Variants in WAPL observed in about 807,000 individuals in gnomAD.
WAPL encodes WAPL cohesin release factor.
WAPL carries 5 observed loss-of-function variants against 121.0 expected under a neutral mutation model. That is an observed-to-expected ratio of 0.04 (90% CI 0.02 to 0.09). The LOEUF is 0.09. WAPL is among the 10% of genes least tolerant of loss of function. WAPL has a pLI of 1.00. For missense variants in WAPL, 999 were observed against 1,410.8 expected (o/e 0.71, Z 4.68); for synonymous variants, 480 against 481.5 (o/e 1.00, Z 0.04).
intron 8 of WAPL, among the ~76,000 whole-genome samples, chr10:86,468,428 G>A (rs755498459): frequency 3.3e-5 from 5 of 151,660 alleles, no homozygotes; most frequent in Admixed American, 6.6e-5. Flanking sequence ...GAACACCTGA[G>A]GCCAAATGAT....
chr10:86,517,703 C>A lies in WAPL; in HGVS notation c.367G>T (p.Val123Phe). ...LEANSKISHV[V>F]VEDTVVSDKC... ...TCAGAAACGACAGTGTCTTCAACGA[C>A]CACATGACTAATTTTGCTATTAGCT... Residue 123 changes from valine (V) to phenylalanine (F), a missense_variant, in exon 2 of 19, where the codon GTC (valine) becomes TTC (phenylalanine). Coordinates refer to ENST00000298767, the MANE Select transcript of WAPL (RefSeq NM_015045.5). 6.2e-7 allele frequency: 1 copy of A among 1,614,138 alleles called. No individual in the cohort carries two copies. The highest frequency in any genetic ancestry group is 8.5e-7 in the Non-Finnish European group (1 of 1,180,026).
chr10:86,441,564 T>G, intron 17 of WAPL, among the ~76,000 whole-genome samples: 1 of 137,722 alleles, frequency 7.3e-6, no homozygotes, highest in Admixed American at 7.5e-5. Context: ...TTCCAGCCAA[T>G]GCACCTATGA....
intron 9 of WAPL, among the ~76,000 whole-genome samples, chr10:86,463,280 G>C (rs7907418): frequency 0.03 from 4,518 of 152,342 alleles, 251 homozygotes; most frequent in African/African-American, 0.1. Context: ...GACAGAGCCA[G>C]AGAGTTTCAA....
chr10:86,509,144 T>C (rs1376430238), intron 2 of WAPL, among the ~76,000 whole-genome samples: 1 of 152,242 alleles, frequency 6.6e-6, no homozygotes, highest in African/African-American at 2.4e-5. Flanking sequence ...ATTTATATAC[T>C]GAATTTCGAA....
intron 4 of WAPL, among the ~76,000 whole-genome samples, chr10:86,478,501 A>G (rs866620697): frequency 6.6e-6 from 1 of 152,198 alleles, no homozygotes; most frequent in South Asian, 2.1e-4. Flanking sequence ...AAATAAGCAA[A>G]AAGTTCATAA....
intron 4 of WAPL, among the ~76,000 whole-genome samples, chr10:86,477,866 G>A (rs983687421): frequency 2.6e-5 from 4 of 151,888 alleles, no homozygotes; most frequent in Admixed American, 6.6e-5. Context: ...GATCACTTGA[G>A]GTCAGGAGTT....
At chr10:86,437,723 C>A in intron 18 of WAPL, 115 bp from the exon 19 acceptor site, 3 of 1,160,610 alleles carry the variant, frequency 2.6e-6, no homozygotes, top group Non-Finnish European at 3.6e-6. Context: ...AATCAAAGTA[C>A]ACCGAGATTA....
At chr10:86,455,695 AAGAAAGAAAG>A (rs1239322529) in intron 12 of WAPL, among the ~76,000 whole-genome samples, 22 of 129,566 alleles carry the variant, frequency 1.7e-4, no homozygotes, top group African/African-American at 2.6e-4. Context: ...AAAAAAAAAA[AAGAAAGAAAG>A]AAAAAAAAAG....
intron 2 of WAPL, among the ~76,000 whole-genome samples, chr10:86,511,515 A>T (rs1328292504): frequency 2.0e-5 from 3 of 152,240 alleles, no homozygotes; most frequent in Non-Finnish European, 4.4e-5. Flanking sequence ...TGTTTCCCAG[A>T]TCTTCCACTT....
chr10:86,461,041 C>A lies in WAPL; in HGVS notation c.2482+135G>T. ...CTCTTCTTTAAATGTTAGAAATTTG[C>A]AGGATGCAACTAAAAAATAATAATG... On this transcript the variant is annotated intron_variant, in intron 10 of 18. Coordinates refer to ENST00000298767, the MANE Select transcript of WAPL (RefSeq NM_015045.5). 5.5e-6 allele frequency: 4 copies of A among 728,080 alleles called. No homozygotes were observed. In the South Asian group the frequency reaches 9.0e-5, roughly 16 times the overall value. 45.1% of individuals were successfully genotyped at this position (728,080 alleles called of 1,614,324 possible).
At position 86,453,748 on chromosome 10, in the gene WAPL, G is replaced by A. The variant is rs1841061419; in HGVS notation, c.2741C>T (p.Pro914Leu). 6.2e-7 allele frequency: 1 copy of A among 1,614,044 alleles called. No individual in the cohort carries two copies. Among genetic ancestry groups the A allele is most frequent in the Admixed American group, 1.7e-5 (1 of 59,998 alleles). Residue 914 changes from proline to leucine, a missense_variant, in exon 13 of 19, where the codon CCT becomes CTT. Coordinates refer to ENST00000298767, the MANE Select transcript of WAPL (RefSeq NM_015045.5). ...TACATGGTTAGTTACATTCTGGTGA[G>A]GCAGAGGCTTACTGTCAGCTAAGCA... ...SICLADSKPL[P>L]HQNVTNHVGK... is the part of the protein sequence containing the mutation.
chr10:86,477,502 G>T (rs1200510773), intron 4 of WAPL, among the ~76,000 whole-genome samples: 2 of 152,056 alleles, frequency 1.3e-5, no homozygotes, highest in Non-Finnish European at 2.9e-5. Flanking sequence ...TTTTATTCTT[G>T]TTTGAAAAGC....
chr10:86,472,590 A>T lies in WAPL; in HGVS notation c.1893+22T>A, dbSNP rs747138558. The T allele has an allele frequency of 6.2e-7, 1 of 1,606,284 alleles. No individual in the cohort carries two copies. Among genetic ancestry groups the T allele is most frequent in the South Asian group, 1.1e-5 (1 of 89,728 alleles). Reference sequence around the variant, plus strand: ...TACAAAAATCTATCAACATGCAGTAAACACTGTATATGGCTGCTTACTTCT... The same window carrying T: ...TACAAAAATCTATCAACATGCAGTATACACTGTATATGGCTGCTTACTTCT... On this transcript the variant is annotated intron_variant, in intron 6 of 18. Coordinates refer to ENST00000298767, the MANE Select transcript of WAPL (RefSeq NM_015045.5). This position sits in a 1 kb window ranked among gnomAD's most constrained non-coding sequence, Gnocchi z 4.2.
chr10:86,472,079 CAT>C lies in WAPL; in HGVS notation c.2030+127_2030+128del, dbSNP rs1491200931. 14 of 748,902 alleles carry C rather than the reference CAT, an allele frequency of 1.9e-5. No homozygotes were observed. Among genetic ancestry groups the C allele is most frequent in the Middle Eastern group, 4.1e-4 (1 of 2,460 alleles). The allele number at this position is 748,902 out of a possible 1,614,324, so 46.4% of individuals were successfully genotyped here. A position where few individuals can be genotyped will look rare whatever the true frequency, so the allele number is the denominator to read the frequency against. On this transcript the variant is annotated intron_variant, in intron 7 of 18. Transcript: ENST00000298767. This position sits in a 1 kb window ranked among gnomAD's most constrained non-coding sequence, Gnocchi z 4.2. ...TATAAAGAAATGGATAGCATTTTAA[CAT>C]ATCACTGGCTATACATACTACCCCA...
intron 2 of WAPL, among the ~76,000 whole-genome samples, chr10:86,515,839 G>T (rs191017047): frequency 6.2e-5 from 9 of 145,768 alleles, no homozygotes; most frequent in African/African-American, 2.0e-4. Flanking sequence ...AGCTGACCTG[G>T]AAACAGTTTT....
chr10:86,492,744 T>C (rs527541715), intron 4 of WAPL, among the ~76,000 whole-genome samples: 3 of 152,188 alleles, frequency 2.0e-5, no homozygotes, highest in African/African-American at 7.2e-5. Flanking sequence ...GTAAGACAAA[T>C]ATCCTGGCCT....
intron 15 of WAPL, among the ~76,000 whole-genome samples, chr10:86,449,759 A>G (rs1840927480): frequency 6.6e-6 from 1 of 152,194 alleles, no homozygotes; most frequent in Non-Finnish European, 1.5e-5. Flanking sequence ...AGAAAAGTCA[A>G]TTTTTAAAAG....
At chr10:86,498,633 G>A (rs1269743262) in intron 3 of WAPL, among the ~76,000 whole-genome samples, 1 of 152,100 alleles carries the variant, frequency 6.6e-6, no homozygotes, top group Non-Finnish European at 1.5e-5. Flanking sequence ...TATTTAATAT[G>A]TAAACCAATC....
At chr10:86,506,423 C>T (rs1047455690) in intron 2 of WAPL, among the ~76,000 whole-genome samples, 1 of 152,076 alleles carries the variant, frequency 6.6e-6, no homozygotes, top group Non-Finnish European at 1.5e-5. Context: ...TTTTATTTTA[C>T]AATTTAAAAA....
Sources: allele counts gnomAD v4.1 joint callset (sites outside exome capture counted in the v4.1 genomes callset), GRCh38; gene constraint gnomAD v4.1.1; non-coding constraint Gnocchi (gnomAD v3.1); transcripts MANE v1.5; gene names NCBI Gene and HGNC (gene_info 2026-07-23, HGNC 2026-07-21).